KDM4C: variants seen among roughly 807,000 people sequenced by gnomAD.
KDM4C encodes the protein lysine demethylase 4C, also known as lysine-specific demethylase 4C.
A neutral mutation model predicts 129.3 loss-of-function variants in KDM4C; 81 were observed. That is an observed-to-expected ratio of 0.63 (90% confidence interval 0.52 to 0.75). KDM4C has a LOEUF of 0.75. Ranked by LOEUF, KDM4C falls within the 30% of genes least tolerant of loss-of-function variation. KDM4C has a pLI of 0.00. For missense variants in KDM4C, 1,457 were observed against 1,304.0 expected, an observed-to-expected ratio of 1.12 and a Z score of -1.81; for synonymous variants, 573 against 456.1, an observed-to-expected ratio of 1.26 and a Z score of -3.26.
chr9:7,024,796 G>A (rs140590828), intron 15 of KDM4C, among the ~76,000 whole-genome samples: 2,571 of 152,172 alleles, frequency 0.017, 70 homozygotes, highest in African/African-American at 0.055. Context: ...ATAAACATAC[G>A]TGTGCATGTG....
intron 1 of KDM4C, chr9:6,734,974 C>T (rs973074183): frequency 1.8e-6 from 1 of 568,658 alleles, no homozygotes; most frequent in Admixed American, 1.9e-5. Flanking sequence ...ACATCAACTC[C>T]AACCACACTC....
intron 17 of KDM4C, among the ~76,000 whole-genome samples, chr9:7,091,033 C>G (rs1162006139): frequency 9.2e-5 from 14 of 152,250 alleles, no homozygotes; most frequent in Non-Finnish European, 4.4e-5. Context: ...GTGAAAACAC[C>G]ATTATAAAGC....
intron 17 of KDM4C, among the ~76,000 whole-genome samples, chr9:7,066,360 G>C (rs183875744): frequency 6.6e-6 from 1 of 152,082 alleles, no homozygotes; most frequent in African/African-American, 2.4e-5. Context: ...GATGTCATTT[G>C]TTCTTTTGGT....
chr9:7,136,997 T>C (rs1362698201), intron 19 of KDM4C, among the ~76,000 whole-genome samples: 1 of 152,242 alleles, frequency 6.6e-6, no homozygotes, highest in Non-Finnish European at 1.5e-5. Flanking sequence ...TTTATTTATT[T>C]TTTAAATAAA....
intron 12 of KDM4C, among the ~76,000 whole-genome samples, chr9:7,003,225 G>A (rs968776673): frequency 2.0e-5 from 3 of 152,164 alleles, no homozygotes; most frequent in Admixed American, 2.0e-4. Flanking sequence ...AGAAGTTGAA[G>A]TGGACACATA....
chr9:6,882,356 T>A (rs996675086), intron 6 of KDM4C, among the ~76,000 whole-genome samples: 1 of 152,232 alleles, frequency 6.6e-6, no homozygotes, highest in South Asian at 2.1e-4. Flanking sequence ...GTTTTTAAAA[T>A]GTCTAAATCT....
intron 5 of KDM4C, among the ~76,000 whole-genome samples, chr9:6,856,747 A>ATTTTTTTTT (rs781673639): frequency 3.3e-4 from 34 of 104,294 alleles, no homozygotes; most frequent in African/African-American, 3.7e-4. Context: ...TAATTTTTGT[A>ATTTTTTTTT]TTTTTTTTTT....
chr9:7,106,352 C>G (rs766349178), intron 18 of KDM4C, among the ~76,000 whole-genome samples: 2 of 152,192 alleles, frequency 1.3e-5, no homozygotes, highest in Non-Finnish European at 2.9e-5. Context: ...TCTGTGTTCT[C>G]AACCATGCAT....
At chr9:6,722,251 C>G (rs1295574969) in intron 1 of KDM4C, among the ~76,000 whole-genome samples, 1 of 152,048 alleles carries the variant, frequency 6.6e-6, no homozygotes, top group Non-Finnish European at 1.5e-5. Flanking sequence ...CATGTTCTTG[C>G]CTAAGCAGTG....
chr9:7,155,498 C>T (rs924667998), intron 19 of KDM4C, among the ~76,000 whole-genome samples: 1 of 152,100 alleles, frequency 6.6e-6, no homozygotes, highest in African/African-American at 2.4e-5. Context: ...CTAAGGCTAT[C>T]CCTCCCGCAT....
intron 15 of KDM4C, among the ~76,000 whole-genome samples, chr9:7,034,008 C>CT (rs144276405): frequency 9.9e-4 from 141 of 141,774 alleles, no homozygotes; most frequent in South Asian, 2.7e-3. Flanking sequence ...AAATCATGTA[C>CT]TTTTTTTTTT....
intron 4 of KDM4C, among the ~76,000 whole-genome samples, chr9:6,845,519 A>G (rs1230616368): frequency 1.3e-5 from 2 of 152,148 alleles, no homozygotes; most frequent in Non-Finnish European, 2.9e-5. Flanking sequence ...CTGGCCTACG[A>G]GTGCTTTTAA....
intron 5 of KDM4C, among the ~76,000 whole-genome samples, chr9:6,851,800 G>C (rs1838894226): frequency 6.6e-6 from 1 of 152,130 alleles, no homozygotes; most frequent in African/African-American, 2.4e-5. Context: ...TTCTGGTCAG[G>C]GCTAAGATGG....
At chr9:6,841,800 C>G (rs1052200260) in intron 4 of KDM4C, among the ~76,000 whole-genome samples, 1 of 152,202 alleles carries the variant, frequency 6.6e-6, no homozygotes, top group Non-Finnish European at 1.5e-5. Context: ...AGAATCATCA[C>G]CTGTGCCTGG....
rs540371851 is a variant in KDM4C, at chr9:7,019,650, A to AT, written c.2259+3727dup. On this transcript the variant is annotated intron_variant, in intron 15 of 21. Coordinates refer to ENST00000381309, the MANE Select transcript of KDM4C (RefSeq NM_015061.6). ...TATGAGAATTGTATGTGGTGGTTCT[A>AT]TTTTTTAAAGATTCTCTTTAAAAAG... Among the ~76,000 whole-genome samples the AT allele has an allele frequency of 1.8e-4, 27 of 146,474 alleles. No individual in the cohort carries two copies. In the South Asian group the frequency reaches 5.6e-3, roughly 30 times the overall value.
chr9:6,849,701 G>A lies in KDM4C; in HGVS notation c.629+1G>A. The A allele has an allele frequency of 6.5e-7, 1 of 1,541,222 alleles. No individual in the cohort carries two copies. The highest frequency in any genetic ancestry group is 8.8e-7 in the Non-Finnish European group (1 of 1,134,956). On this transcript the variant is annotated splice_donor_variant, in intron 5 of 21. Transcript: ENST00000381309. LOFTEE classifies it high-confidence loss of function. ...TCCACTTTGGAGAGCCCAAGTCTTG[G>A]CAAGTTACTTGTTTAATATTCATTT...
At chr9:6,874,560 G>A (rs1342069335) in intron 5 of KDM4C, among the ~76,000 whole-genome samples, 6 of 151,964 alleles carry the variant, frequency 3.9e-5, no homozygotes, top group Admixed American at 2.6e-4. Flanking sequence ...ATTTTATAAC[G>A]GAATTAGATG....
At chr9:6,722,938 G>A (rs1424622492) in intron 1 of KDM4C, among the ~76,000 whole-genome samples, 7 of 151,770 alleles carry the variant, frequency 4.6e-5, no homozygotes, top group African/African-American at 1.7e-4. Context: ...AGTCGAAATC[G>A]CACGACTGCA....
intron 18 of KDM4C, among the ~76,000 whole-genome samples, chr9:7,116,864 C>G (rs1367834569): frequency 2.0e-5 from 3 of 152,184 alleles, no homozygotes; most frequent in Non-Finnish European, 4.4e-5. Flanking sequence ...ACAGTTACCT[C>G]TTCCTCTCTA....
Sources: gnomAD v4.1 joint callset for allele counts (sites outside exome capture counted in the v4.1 genomes callset) on GRCh38, gnomAD v4.1.1 for gene constraint, MANE v1.5 for transcripts, NCBI Gene and HGNC (gene_info 2026-07-23, HGNC 2026-07-21) for gene names.